The following DDRGK1 variants were observed in gnomAD, a reference collection of about 807,000 sequenced individuals.
The protein encoded by DDRGK1 is DDRGK domain containing 1.
A neutral mutation model predicts 45.8 loss-of-function variants in DDRGK1; 38 were observed. The ratio of observed to expected loss-of-function variants is 0.83; its 90% CI spans 0.64 to 1.09. The LOEUF (loss-of-function observed/expected upper bound fraction) is 1.09, where lower values mean the gene tolerates loss of function less well. DDRGK1 is among the 50% of genes least tolerant of loss of function. DDRGK1 has a pLI of 0.00. For synonymous variants in DDRGK1, 171 were observed against 168.7 expected (o/e 1.01, Z -0.11); for missense variants, 403 against 419.9 (o/e 0.96, Z 0.35).
intron 4 of DDRGK1, 42 bp from the exon 5 acceptor site, chr20:3,195,395 C>T (rs752357125): frequency 9.0e-6 from 14 of 1,552,722 alleles, no homozygotes; most frequent in Non-Finnish European, 2.6e-6. Context: ...GGGGGCAGAA[C>T]AGGGCAGGCA....
intron 5 of DDRGK1, 89 bp from the exon 6 acceptor site, chr20:3,194,957 A>G: frequency 6.5e-7 from 1 of 1,535,252 alleles, no homozygotes; most frequent in Non-Finnish European, 8.9e-7. Context: ...TGCTCACTTG[A>G]GGGCCACCTG....
chr20:3,199,952 C>T, intron 4 of DDRGK1, 49 bp downstream of exon 4: 1 of 1,519,360 alleles, frequency 6.6e-7, no homozygotes. Context: ...AGAAGCAAGG[C>T]TGCCTTGCCT....
At chr20:3,194,087 C>T (rs1487447548) in intron 6 of DDRGK1, among the ~76,000 whole-genome samples, 3 of 152,186 alleles carry the variant, frequency 2.0e-5, no homozygotes, top group South Asian at 2.1e-4. Context: ...CCCAGCCCCT[C>T]GCTGCTGGCA....
intron 2 of DDRGK1, among the ~76,000 whole-genome samples, 200 bp from the exon 3 acceptor site, chr20:3,200,654 C>T (rs950414023): frequency 3.3e-5 from 5 of 152,236 alleles, no homozygotes; most frequent in Middle Eastern, 3.4e-3. Flanking sequence ...GATGGGAGAA[C>T]GGTGAGGGGC....
chr20:3,201,321 T>C (rs1362250690), intron 2 of DDRGK1, among the ~76,000 whole-genome samples: 3 of 146,516 alleles, frequency 2.0e-5, no homozygotes, highest in Non-Finnish European at 4.5e-5. Context: ...TAGCCAGGTG[T>C]GGTGGTGGCC....
chr20:3,190,585 G>T lies in DDRGK1; in HGVS notation c.*68C>A. 6.4e-7 allele frequency: 1 copy of T among 1,568,852 alleles called. No homozygotes were observed. Among genetic ancestry groups the T allele is most frequent in the Non-Finnish European group, 8.7e-7 (1 of 1,148,310 alleles). On this transcript the variant is annotated 3_prime_UTR_variant, in exon 9 of 9. Coordinates refer to ENST00000354488, the MANE Select transcript of DDRGK1 (RefSeq NM_023935.3). ...CACACCATCACTTCCCCAGGATGGTGGGGAGGGATGAAGATGTATAGCCAG... is the reference window on the plus strand; with the variant it reads ...CACACCATCACTTCCCCAGGATGGTTGGGAGGGATGAAGATGTATAGCCAG...
In DDRGK1 at chr20:3,203,241, A is replaced by C. The variant is rs1488046031; in HGVS notation, c.267T>G (p.Asp89Glu). 1.3e-6 allele frequency: 2 copies of C among 1,599,922 alleles called. No individual in the cohort carries two copies. The highest frequency in any genetic ancestry group is 2.7e-5 in the African/African-American group (2 of 74,156). Residue 89 changes from aspartate to glutamate, a missense_variant, in exon 2 of 9, where the codon GAT (aspartate) becomes GAG (glutamate). Asp to Glu is a conservative substitution (Grantham distance 45). Coordinates refer to ENST00000354488, the MANE Select transcript of DDRGK1 (RefSeq NM_023935.3). ...GGATGACAGCTTCCTCCTCGTTCTC[A>C]TCTGCTTCTGCCCAGGCCACCCGCT... ...RAQRVAWAEADENEEEAVILA... is the reference protein window; with the variant it reads ...RAQRVAWAEAEENEEEAVILA...
chr20:3,191,662 A>G (rs2066989873), intron 7 of DDRGK1, 103 bp downstream of exon 7: 1 of 1,322,396 alleles, frequency 7.6e-7, no homozygotes, highest in South Asian at 1.3e-5. Context: ...GGTTGGGGAC[A>G]AGGTAGACGG....
Position 3,191,823 on chromosome 20 carries a change from T to G in DDRGK1, c.673-2A>C. ...TTCCAAGAGCACAACCTTGGACTGC[T>G]ACAAAAAGAAGGAGGAAAAGAAAGA... On this transcript the variant is annotated splice_acceptor_variant, in intron 6 of 8. Transcript: ENST00000354488. LOFTEE classifies it high-confidence loss of function. The G allele has an allele frequency of 6.2e-7, 1 of 1,606,312 alleles. No individual in the cohort carries two copies. Among genetic ancestry groups the G allele is most frequent in the Non-Finnish European group, 8.5e-7 (1 of 1,176,634 alleles).
intron 2 of DDRGK1, among the ~76,000 whole-genome samples, chr20:3,201,860 C>T (rs915676421): frequency 1.3e-5 from 2 of 151,864 alleles, no homozygotes; most frequent in African/African-American, 4.8e-5. Flanking sequence ...GACCGGGTTT[C>T]ACCATGTTAG....
chr20:3,204,387 GC>G, intron 1 of DDRGK1, 149 bp downstream of exon 1: 1 of 747,262 alleles, frequency 1.3e-6, no homozygotes, highest in East Asian at 2.7e-5. Flanking sequence ...CACTGCGGAA[GC>G]CCCACCCGGC....
chr20:3,203,108 T>A, intron 2 of DDRGK1, 105 bp downstream of exon 2: 1 of 1,150,098 alleles, frequency 8.7e-7, no homozygotes, highest in South Asian at 1.7e-5. Context: ...CAGACGTCCC[T>A]CCTACCCTGA....
In DDRGK1 at chr20:3,200,359, G is replaced by A. The variant is rs1011589357; in HGVS notation, c.391C>T (p.Arg131Ter). 7.0e-6 allele frequency: 11 copies of A among 1,569,540 alleles called. No individual in the cohort carries two copies. The highest frequency in any genetic ancestry group is 2.3e-5 in the South Asian group (2 of 85,270). Residue 131 changes from arginine to a stop codon, truncating the protein, a stop_gained, in exon 3 of 9, where the codon CGA (arginine) becomes TGA (stop). Transcript: ENST00000354488. LOFTEE classifies it high-confidence loss of function. ...CGGCTTGCCTCACGCTGGGCCTTTC[G>A]CGCTTGTTTCTCCTCCAGCTTCCGC... ...KLRKLEEKQA[R>*]KAQREAEEAE...
In DDRGK1 at chr20:3,195,254, C is replaced by G. The variant is rs147622952; in HGVS notation, c.610G>C (p.Gly204Arg). ...EAFVVEEEGVGETMTEEQSQS... is the reference protein window; with the variant it reads ...EAFVVEEEGVRETMTEEQSQS... ...ACCTGTTCCTCAGTCATGGTCTCTC[C>G]TACGCCTTCCTCCTCCACCACAAAG... is the stretch of plus-strand genomic sequence containing the variant. The change falls in exon 5 of 9, where the codon GGA becomes CGA. Residue 204 changes from glycine (G) to arginine (R), a missense_variant. By Grantham distance (125) the Gly-to-Arg change is moderately radical. Transcript: ENST00000354488. 54 of 1,613,954 alleles carry G rather than the reference C, an allele frequency of 3.3e-5. No individual in the cohort carries two copies. In the African/African-American group the frequency reaches 7.1e-4, roughly 21 times the overall value.
At chr20:3,203,525 C>T (rs2067051486) in intron 1 of DDRGK1, 109 bp from the exon 2 acceptor site, 24 of 1,371,430 alleles carry the variant, frequency 1.7e-5, no homozygotes, top group Non-Finnish European at 2.3e-5. Flanking sequence ...GCCTGCTGCC[C>T]ACAGCACAAG....
At position 3,191,560 on chromosome 20, in the gene DDRGK1, G is replaced by A. The variant is rs1288044491; in HGVS notation, c.729+205C>T. 3 of 770,888 alleles carry A rather than the reference G, an allele frequency of 3.9e-6. No individual in the cohort carries two copies. The Admixed American group carries it at 6.1e-5, about 16-fold the overall frequency. 47.8% of individuals were successfully genotyped at this position (770,888 alleles called of 1,614,324 possible). A position where few individuals can be genotyped will look rare whatever the true frequency, so the allele number is the denominator to read the frequency against. On this transcript the variant is annotated intron_variant, in intron 7 of 8. Transcript: ENST00000354488. ...TCACAGGGGCTGGCAGAGTGATGGG[G>A]TTTGGGTTTTTTTTTTCTTTCCTGC...
chr20:3,197,311 AT>A (rs1273154162), intron 4 of DDRGK1, among the ~76,000 whole-genome samples: 1 of 151,924 alleles, frequency 6.6e-6, no homozygotes, highest in Non-Finnish European at 1.5e-5. Context: ...TTTCCATATA[AT>A]TTATGTAAGA....
chr20:3,194,759 C>T (rs528142831), intron 6 of DDRGK1, 71 bp downstream of exon 6: 37 of 1,597,272 alleles, frequency 2.3e-5, no homozygotes, highest in East Asian at 1.1e-4. Context: ...CTGCAGCCCC[C>T]GCTGGAGGCA....
At chr20:3,190,916 C>G (rs1396877056) in intron 8 of DDRGK1, 97 bp from the exon 9 acceptor site, 8 of 1,477,488 alleles carry the variant, frequency 5.4e-6, no homozygotes, top group Non-Finnish European at 7.3e-6. Flanking sequence ...GCTCAGGGCC[C>G]TTCCGGCCTC....
Sources: gnomAD v4.1 joint callset for allele counts (sites outside exome capture counted in the v4.1 genomes callset) on GRCh38, gnomAD v4.1.1 for gene constraint, MANE v1.5 for transcripts, NCBI Gene and HGNC (gene_info 2026-07-23, HGNC 2026-07-21) for gene names.